The following PDF variants were observed in gnomAD, a reference collection of about 807,000 sequenced individuals.
The protein encoded by PDF is peptide deformylase, mitochondrial.
In PDF, 31 loss-of-function variants were observed where a neutral mutation model predicts 20.3. The ratio of observed to expected loss-of-function variants is 1.52; its 90% CI spans 1.15 to 2.06. The LOEUF (loss-of-function observed/expected upper bound fraction) is 2.06, where lower values mean the gene tolerates loss of function less well. Among genes scored for constraint, PDF ranks in the 30% most tolerant of loss-of-function variants. The pLI is 0.00. For missense variants in PDF, 447 were observed against 362.5 expected (o/e 1.23, Z -1.89); for synonymous variants, 254 against 172.0 (o/e 1.48, Z -3.73).
chr16:69,328,774 AT>A lies in PDF; in HGVS notation c.*247del. On this transcript the variant is annotated 3_prime_UTR_variant, in exon 2 of 2. Transcript: ENST00000288022. ...ATTACCCCACCTTCCTCCATACAGAATTGTTAGGAAATGTCCACTCCTTTGG... is the reference window on the plus strand; with the variant it reads ...ATTACCCCACCTTCCTCCATACAGAATGTTAGGAAATGTCCACTCCTTTGG... 2.0e-6 allele frequency: 1 copy of A among 491,372 alleles called. No individual in the cohort carries two copies. Among genetic ancestry groups the A allele is most frequent in the Admixed American group, 4.3e-5 (1 of 23,084 alleles). 30.4% of individuals were successfully genotyped at this position (491,372 alleles called of 1,614,324 possible). A position where few individuals can be genotyped will look rare whatever the true frequency, so the allele number is the denominator to read the frequency against.
Position 69,328,276 on chromosome 16 carries a change from G to A in PDF, c.*746C>T, listed in dbSNP as rs986892957. 3 of 152,124 alleles carry A rather than the reference G, an allele frequency of 2.0e-5. No individual in the cohort carries two copies. The highest frequency in any genetic ancestry group is 7.2e-5 in the African/African-American group (3 of 41,416). The allele number at this position is 152,124 out of a possible 1,614,324, so 9.4% of individuals were successfully genotyped here. Reference sequence around the variant, plus strand: ...CTTAAACCTACACATTGGTTGCTGTGATATTAATTCTATTTTTACAAAATA... The same window carrying A: ...CTTAAACCTACACATTGGTTGCTGTAATATTAATTCTATTTTTACAAAATA... On this transcript the variant is annotated 3_prime_UTR_variant, in exon 2 of 2. Transcript: ENST00000288022.
At position 69,329,045 on chromosome 16, in the gene PDF, A is replaced by G. The variant is rs1435295152; in HGVS notation, c.709T>C (p.Tyr237His). 1.2e-6 allele frequency: 2 copies of G among 1,610,866 alleles called. No homozygotes were observed. Among genetic ancestry groups the G allele is most frequent in the Admixed American group, 3.4e-5 (2 of 59,648 alleles). Residue 237 changes from tyrosine to histidine, a missense_variant, in exon 2 of 2, where the codon TAT becomes CAT. Coordinates refer to ENST00000288022, the MANE Select transcript of PDF (RefSeq NM_022341.2). Reference sequence around the variant, plus strand: ...CTTTAGTCATTCACCTTCATCCAATAGACGTTTGTGAACGTCCTGCTGTCC... The same window carrying G: ...CTTTAGTCATTCACCTTCATCCAATGGACGTTTGTGAACGTCCTGCTGTCC... ...KMDSRTFTNVYWMKVND is the reference protein window; with the variant it reads ...KMDSRTFTNVHWMKVND
Position 69,330,303 on chromosome 16 carries a change from G to A in PDF, c.268C>T (p.Pro90Ser). 2.1e-6 allele frequency: 3 copies of A among 1,433,298 alleles called. No homozygotes were observed. The highest frequency in any genetic ancestry group is 2.7e-6 in the Non-Finnish European group (3 of 1,102,484). 88.8% of individuals were successfully genotyped at this position (1,433,298 alleles called of 1,614,324 possible). Residue 90 changes from proline (P) to serine (S), a missense_variant, in exon 1 of 2, where the codon CCC becomes TCC. Coordinates refer to ENST00000288022, the MANE Select transcript of PDF (RefSeq NM_022341.2). ...APVERAQLGG[P>S]ELQRLTQRLV... ...CGTTGCGTCAGCCGCTGCAGCTCGG[G>A]CCCGCCTAGCTGCGCCCGCTCCACC...
Position 69,330,385 on chromosome 16 carries a change from C to G in PDF, c.186G>C (p.Pro62=). Residue 62 remains proline (P), a synonymous_variant, in exon 1 of 2, where the codon CCG becomes CCC. Coordinates refer to ENST00000288022, the MANE Select transcript of PDF (RefSeq NM_022341.2). ...CGACTTGGCACACGTGCGAGAACGG[C>G]GGTTCGGGAGGACCCAGCACCAGAC... ...LRRLVLGPPE[P]PFSHVCQVGD... The G allele has an allele frequency of 6.8e-7, 1 of 1,479,308 alleles. No individual in the cohort carries two copies. 91.6% of individuals were successfully genotyped at this position (1,479,308 alleles called of 1,614,324 possible).
Position 69,330,456 on chromosome 16 carries a change from CG to C in PDF, c.114del (p.Val39SerfsTer14). On this transcript the variant is annotated frameshift_variant, in exon 1 of 2. Coordinates refer to ENST00000288022, the MANE Select transcript of PDF (RefSeq NM_022341.2). LOFTEE classifies it high-confidence loss of function. Reference protein sequence around the residue: ...RACSSTAAPDGVEGPALRRSY... With the variant: ...RACSSTAAPDXVEGPALRRSY... ...GAGCGCCGCAGCGCCGGGCCCTCGA[CG>C]CCGTCCGGGGCGGCCGTGGAGCTGC... 1 of 1,472,334 alleles carries C rather than the reference CG, an allele frequency of 6.8e-7. No individual in the cohort carries two copies. The highest frequency in any genetic ancestry group is 8.9e-7 in the Non-Finnish European group (1 of 1,120,116). 91.2% of individuals were successfully genotyped at this position (1,472,334 alleles called of 1,614,324 possible). A position where few individuals can be genotyped will look rare whatever the true frequency, so the allele number is the denominator to read the frequency against.
Position 69,330,027 on chromosome 16 carries a change from C to T in PDF, c.544G>A (p.Val182Met), listed in dbSNP as rs2011651534. Residue 182 changes from valine (V) to methionine (M), a missense_variant, in exon 1 of 2, where the codon GTG becomes ATG. Physicochemically the swap from Val to Met is conservative, Grantham distance 21 (BLOSUM62 1). Coordinates refer to ENST00000288022, the MANE Select transcript of PDF (RefSeq NM_022341.2). ...CESVAGFLAC[V>M]PRFQAVQISG... ...ATCTGCACCGCCTGGAAGCGGGGCA[C>T]GCAGGCCAGGAAGCCGGCGACGCTC... 3.2e-6 allele frequency: 5 copies of T among 1,542,698 alleles called. No homozygotes were observed. The highest frequency in any genetic ancestry group is 1.7e-4 in the Middle Eastern group (1 of 5,844).
chr16:69,329,213 A>G (rs759829471), intron 1 of PDF, 34 bp from the exon 2 acceptor site: 2 of 1,543,692 alleles, frequency 1.3e-6, no homozygotes, highest in East Asian at 2.4e-5. Context: ...GTGAGTGGGA[A>G]CAGCTGAACT....
In PDF at chr16:69,330,146, A is replaced by G. The variant is rs370832882; in HGVS notation, c.425T>C (p.Leu142Pro). Residue 142 changes from leucine to proline, a missense_variant, in exon 1 of 2, where the codon CTC becomes CCC. Leu to Pro is a moderately conservative substitution (Grantham distance 98, BLOSUM62 -3). Transcript: ENST00000288022. Reference sequence around the variant, plus strand: ...CAGGGGGAAGGGCTCCATTTGGCGGAGCGCGCGCTGGCGGGGCGGGCACTC... The same window carrying G: ...CAGGGGGAAGGGCTCCATTTGGCGGGGCGCGCGCTGGCGGGGCGGGCACTC... Reference protein sequence around the residue: ...CRECPPRQRALRQMEPFPLRV... With the variant: ...CRECPPRQRAPRQMEPFPLRV... 1.0e-5 allele frequency: 16 copies of G among 1,553,844 alleles called. No homozygotes were observed. The highest frequency in any genetic ancestry group is 2.9e-5 in the African/African-American group (2 of 70,094).
In PDF at chr16:69,328,829, A is replaced by G; in HGVS notation, c.*193T>C. ...TGATTTTTCTCCTCAAGTTGTAGCC[A>G]ACATTTTGTCCGTAACTGATTTCAG... On this transcript the variant is annotated 3_prime_UTR_variant, in exon 2 of 2. Transcript: ENST00000288022. 1 of 709,296 alleles carries G rather than the reference A, an allele frequency of 1.4e-6. No homozygotes were observed. The highest frequency in any genetic ancestry group is 2.1e-5 in the South Asian group (1 of 48,560). The allele number at this position is 709,296 out of a possible 1,614,324, so 43.9% of individuals were successfully genotyped here.
Position 69,328,728 on chromosome 16 carries a change from T to A in PDF, c.*294A>T. 1 of 372,374 alleles carries A rather than the reference T, an allele frequency of 2.7e-6. No individual in the cohort carries two copies. Among genetic ancestry groups the A allele is most frequent in the South Asian group, 3.1e-5 (1 of 31,906 alleles). 23.1% of individuals were successfully genotyped at this position (372,374 alleles called of 1,614,324 possible). ...AGATTATACAGGTCCGAGGAACTCGTGTCTACTGCAGACGAATGCAATTAC... is the reference window on the plus strand; with the variant it reads ...AGATTATACAGGTCCGAGGAACTCGAGTCTACTGCAGACGAATGCAATTAC... On this transcript the variant is annotated 3_prime_UTR_variant, in exon 2 of 2. Coordinates refer to ENST00000288022, the MANE Select transcript of PDF (RefSeq NM_022341.2).
chr16:69,329,903 G>C (rs889045264), intron 1 of PDF, 94 bp downstream of exon 1: 61 of 1,374,096 alleles, frequency 4.4e-5, no homozygotes, highest in Non-Finnish European at 5.8e-5. Flanking sequence ...CGGGAGGTCC[G>C]GCGTATGAAC....
chr16:69,330,433 G>C lies in PDF; in HGVS notation c.138C>G (p.Arg46=). The C allele has an allele frequency of 2.7e-6, 4 of 1,472,766 alleles. No homozygotes were observed. The highest frequency in any genetic ancestry group is 3.6e-6 in the Non-Finnish European group (4 of 1,120,210). 91.2% of individuals were successfully genotyped at this position (1,472,766 alleles called of 1,614,324 possible). A position where few individuals can be genotyped will look rare whatever the true frequency, so the allele number is the denominator to read the frequency against. The part of the protein sequence containing the change: ...PDGVEGPALR[R]SYWRHLRRLV... Reference sequence around the variant, plus strand: ...GACGCCTCAGGTGGCGCCAATAGGAGCGCCGCAGCGCCGGGCCCTCGACGC... The same window carrying C: ...GACGCCTCAGGTGGCGCCAATAGGACCGCCGCAGCGCCGGGCCCTCGACGC... The change falls in exon 1 of 2, where the codon CGC becomes CGG. Residue 46 remains arginine (R), a synonymous_variant. Transcript: ENST00000288022.
In PDF at chr16:69,330,031, G is replaced by C; in HGVS notation, c.540C>G (p.Ala180=). 6.5e-7 allele frequency: 1 copy of C among 1,545,188 alleles called. No individual in the cohort carries two copies. Among genetic ancestry groups the C allele is most frequent in the Non-Finnish European group, 8.7e-7 (1 of 1,145,642 alleles). ...GCACCGCCTGGAAGCGGGGCACGCA[G>C]GCCAGGAAGCCGGCGACGCTCTCGC... The part of the protein sequence containing the change: ...EGCESVAGFL[A]CVPRFQAVQI... Residue 180 remains alanine, a synonymous_variant, in exon 1 of 2, where the codon GCC becomes GCG. Transcript: ENST00000288022.
Position 69,330,567 on chromosome 16 carries a change from C to A in PDF, c.4G>T (p.Ala2Ser). The A allele has an allele frequency of 1.4e-6, 2 of 1,459,482 alleles. No homozygotes were observed. Among genetic ancestry groups the A allele is most frequent in the Non-Finnish European group, 1.8e-6 (2 of 1,116,258 alleles). The allele number at this position is 1,459,482 out of a possible 1,614,324, so 90.4% of individuals were successfully genotyped here. A position where few individuals can be genotyped will look rare whatever the true frequency, so the allele number is the denominator to read the frequency against. The change falls in exon 1 of 2, where the codon GCC becomes TCC. Residue 2 changes from alanine (A) to serine (S), a missense_variant. Ala to Ser is a moderately conservative substitution (Grantham distance 99, BLOSUM62 1). Coordinates refer to ENST00000288022, the MANE Select transcript of PDF (RefSeq NM_022341.2). ...AGACTCAGCGCGCCCCACAGCCGGG[C>A]CATGGCGGCCCCCTTAACAGTGACC... The part of the protein sequence containing the change: M[A>S]RLWGALSLWP...
Position 69,328,975 on chromosome 16 carries a change from GTGTT to G in PDF, c.*43_*46del. On this transcript the variant is annotated 3_prime_UTR_variant, in exon 2 of 2. Coordinates refer to ENST00000288022, the MANE Select transcript of PDF (RefSeq NM_022341.2). ...AAGATTTGCCCAGCTCAAAGTGAAA[GTGTT>G]TGCGTCTTGGTATCCGGAATCCTCA... is the stretch of plus-strand genomic sequence containing the variant. The G allele has an allele frequency of 6.3e-7, 1 of 1,582,072 alleles. No individual in the cohort carries two copies. The highest frequency in any genetic ancestry group is 8.5e-7 in the Non-Finnish European group (1 of 1,171,658).
rs201820336 is a variant in PDF at position 69,329,066 on chromosome 16, T to G, written c.688A>C (p.Ser230Arg). 65 of 1,612,180 alleles carry G rather than the reference T, an allele frequency of 4.0e-5. No individual in the cohort carries two copies. The African/African-American group carries it at 7.3e-4, about 18-fold the overall frequency. ...QGCLFIDKMD[S>R]RTFTNVYWMK... The stretch of plus-strand genomic sequence containing the variant: ...CAATAGACGTTTGTGAACGTCCTGC[T>G]GTCCATTTTGTCAATAAACAGGCAG... The change falls in exon 2 of 2, where the codon AGC (serine) becomes CGC (arginine). Residue 230 changes from serine (S) to arginine (R), a missense_variant. Ser to Arg is a moderately radical substitution (Grantham distance 110). Coordinates refer to ENST00000288022, the MANE Select transcript of PDF (RefSeq NM_022341.2).
In PDF at chr16:69,329,573, A is replaced by G. The variant is rs1157476173; in HGVS notation, c.575-394T>C. On this transcript the variant is annotated intron_variant, in intron 1 of 1. Coordinates refer to ENST00000288022, the MANE Select transcript of PDF (RefSeq NM_022341.2). ...CCGACGGGCTTGCTGTGCAGGAACA[A>G]TCACCCCGACCCCAGCAGAGCCCGC... Among the ~76,000 whole-genome samples the G allele has an allele frequency of 2.0e-5, 3 of 152,182 alleles. No homozygotes were observed. In the East Asian group the frequency reaches 5.8e-4, roughly 29 times the overall value.
chr16:69,329,132 C>T lies in PDF; in HGVS notation c.622G>A (p.Ala208Thr), dbSNP rs775047383. ...ATCTCGTGCTGGATGATGCGGGCTG[C>T]CCACCCGCTCGCCTGCCACACCACC... ...EQVVWQASGWAARIIQHEMDH... is the reference protein window; with the variant it reads ...EQVVWQASGWTARIIQHEMDH... The change falls in exon 2 of 2, where the codon GCA becomes ACA. Residue 208 changes from alanine (A) to threonine (T), a missense_variant. Ala to Thr is a moderately conservative substitution (Grantham distance 58). Transcript: ENST00000288022. The T allele has an allele frequency of 6.2e-7, 1 of 1,608,552 alleles. No individual in the cohort carries two copies. The highest frequency in any genetic ancestry group is 8.5e-7 in the Non-Finnish European group (1 of 1,178,958).
rs1400398930 is a variant in PDF at position 69,330,218 on chromosome 16, AC to A, written c.352del (p.Val118CysfsTer37). The A allele has an allele frequency of 1.4e-6, 2 of 1,450,854 alleles. No individual in the cohort carries two copies. The highest frequency in any genetic ancestry group is 1.4e-5 in the South Asian group (1 of 71,348). 89.9% of individuals were successfully genotyped at this position (1,450,854 alleles called of 1,614,324 possible). A position where few individuals can be genotyped will look rare whatever the true frequency, so the allele number is the denominator to read the frequency against. ...CVGLSAPQLG[V>X]PRQVLALELP... ...CTCCAGCGCCAGCACCTGCCGCGGCACCCCCAGCTGCGGCGCGCTTAGGCCC... is the reference window on the plus strand; with the variant it reads ...CTCCAGCGCCAGCACCTGCCGCGGCACCCCAGCTGCGGCGCGCTTAGGCCC... On this transcript the variant is annotated frameshift_variant, in exon 1 of 2. Coordinates refer to ENST00000288022, the MANE Select transcript of PDF (RefSeq NM_022341.2). LOFTEE classifies it high-confidence loss of function.
Sources: allele counts gnomAD v4.1 joint callset (sites outside exome capture counted in the v4.1 genomes callset), GRCh38; gene constraint gnomAD v4.1.1; transcripts MANE v1.5; gene names NCBI Gene and HGNC (gene_info 2026-07-23, HGNC 2026-07-21).